AP4S1: variants seen among roughly 807,000 people sequenced by gnomAD.
AP4S1 encodes AP-4 complex subunit sigma-1.
In AP4S1, 23 loss-of-function variants were observed where a neutral mutation model predicts 19.8. That is an observed-to-expected ratio of 1.16 (90% CI 0.84 to 1.65). The LOEUF (loss-of-function observed/expected upper bound fraction) is 1.65, where lower values mean the gene tolerates loss of function less well. Ranked by LOEUF, AP4S1 falls within the 40% of genes most tolerant of loss-of-function variation. The pLI, the probability that AP4S1 is intolerant of heterozygous loss-of-function variation, is 0.00. For synonymous variants in AP4S1, 46 were observed against 54.1 expected (o/e 0.85, Z 0.66); for missense variants, 166 against 172.8 (o/e 0.96, Z 0.22).
intron 1 of AP4S1, among the ~76,000 whole-genome samples, chr14:31,040,235 T>C (rs1885033852): frequency 7.0e-6 from 1 of 142,556 alleles, no homozygotes; most frequent in South Asian, 2.2e-4. Context: ...GGCTGCAACC[T>C]CAACCTCCCA....
chr14:31,073,316 C>CA (rs1887137262), intron 4 of AP4S1: 1 of 229,284 alleles, frequency 4.4e-6, no homozygotes, highest in Admixed American at 5.4e-5. Context: ...CGGTGAAACC[C>CA]CGTCTCTACT....
intron 1 of AP4S1, among the ~76,000 whole-genome samples, chr14:31,053,269 G>C (rs1885910930): frequency 6.6e-6 from 1 of 152,138 alleles, no homozygotes; most frequent in Non-Finnish European, 1.5e-5. Context: ...CAACAATTAT[G>C]TCATTTGCCT....
chr14:31,035,939 C>T (rs982866270), intron 1 of AP4S1, among the ~76,000 whole-genome samples: 4 of 151,946 alleles, frequency 2.6e-5, no homozygotes, highest in South Asian at 2.1e-4. Flanking sequence ...ACCATGTTAG[C>T]CAGGATGGTC....
At chr14:31,026,958 TG>T (rs1277866367) in intron 1 of AP4S1, 1 of 152,406 alleles carries the variant, frequency 6.6e-6, no homozygotes, top group East Asian at 1.9e-4. Flanking sequence ...AGTTCTCTGC[TG>T]GCAAATAGCC....
rs200189233 is a variant in AP4S1, at chr14:31,082,279, G to A, written c.306+1695G>A. ...TTAGCATGCTGAATAAAAATATACC[G>A]TGATATACAGACCACGTTGTATATT... On this transcript the variant is annotated intron_variant, in intron 5 of 5. Coordinates refer to ENST00000542754, the MANE Select transcript of AP4S1 (RefSeq NM_001128126.3). 7.9e-5 allele frequency among the ~76,000 whole-genome samples: 12 copies of A among 152,148 alleles called. No homozygotes were observed. In the East Asian group the frequency reaches 1.2e-3, roughly 15 times the overall value.
At chr14:31,081,103 A>G (rs1887617213) in intron 5 of AP4S1, among the ~76,000 whole-genome samples, 2 of 152,136 alleles carry the variant, frequency 1.3e-5, no homozygotes, top group Non-Finnish European at 2.9e-5. Flanking sequence ...GATGATTCTT[A>G]AGATTTTTTT....
chr14:31,073,688 G>A (rs944844697), intron 4 of AP4S1, among the ~76,000 whole-genome samples: 20 of 150,986 alleles, frequency 1.3e-4, no homozygotes, highest in African/African-American at 3.4e-4. Context: ...ACTGCAAGCC[G>A]TGCCACCACG....
chr14:31,075,741 A>AT (rs199770029), intron 4 of AP4S1, among the ~76,000 whole-genome samples: 123,396 of 143,128 alleles, frequency 0.86, 53,523 homozygotes, highest in African/African-American at 0.94. Flanking sequence ...GGATATACCA[A>AT]TTTTTTTTTT....
chr14:31,029,034 C>G (rs1187928391), intron 1 of AP4S1, among the ~76,000 whole-genome samples: 1 of 152,162 alleles, frequency 6.6e-6, no homozygotes, highest in East Asian at 1.9e-4. Context: ...CACCTACCCT[C>G]AAAACAAAAA....
chr14:31,060,959 G>A (rs1272470441), intron 1 of AP4S1, among the ~76,000 whole-genome samples: 6 of 151,720 alleles, frequency 4.0e-5, no homozygotes, highest in Non-Finnish European at 8.8e-5. Flanking sequence ...GCACGATCTC[G>A]GTGCACTTCA....
intron 1 of AP4S1, among the ~76,000 whole-genome samples, chr14:31,063,824 T>C (rs1669406307): frequency 6.6e-6 from 1 of 152,206 alleles, no homozygotes; most frequent in South Asian, 2.1e-4. Flanking sequence ...AAATGTACCA[T>C]GGTAATGTGA....
intron 5 of AP4S1, among the ~76,000 whole-genome samples, chr14:31,088,205 G>GT (rs1339220168): frequency 1.1e-4 from 16 of 152,152 alleles, no homozygotes; most frequent in Admixed American, 9.2e-4. Context: ...CCACTTTCCT[G>GT]TTTCCTTTCA....
intron 1 of AP4S1, among the ~76,000 whole-genome samples, chr14:31,051,166 A>G (rs1199192181): frequency 6.6e-6 from 1 of 151,822 alleles, no homozygotes; most frequent in Non-Finnish European, 1.5e-5. Flanking sequence ...TGCGACAGGA[A>G]GATCCCTTGA....
chr14:31,084,701 G>GC, intron 5 of AP4S1: 1 of 1,606,168 alleles, frequency 6.2e-7, no homozygotes, highest in Non-Finnish European at 8.5e-7. Flanking sequence ...GGGAGACTTT[G>GC]CCCCATCACA....
chr14:31,052,048 A>G (rs569916773), intron 1 of AP4S1, among the ~76,000 whole-genome samples: 4 of 152,320 alleles, frequency 2.6e-5, no homozygotes, highest in South Asian at 4.1e-4. Flanking sequence ...ACGCAGGAGG[A>G]TTACTTGAGC....
intron 1 of AP4S1, among the ~76,000 whole-genome samples, chr14:31,041,668 T>C (rs1349923961): frequency 6.6e-6 from 1 of 152,178 alleles, no homozygotes; most frequent in Non-Finnish European, 1.5e-5. Flanking sequence ...TTGGATATTC[T>C]TATGAATCCA....
intron 1 of AP4S1, chr14:31,026,285 C>T (rs924589225): frequency 4.0e-6 from 5 of 1,257,992 alleles, no homozygotes; most frequent in Non-Finnish European, 5.1e-6. Flanking sequence ...GGAGGCCGGC[C>T]GGGAGAGGGG....
chr14:31,027,138 T>A (rs1432071051), intron 1 of AP4S1: 1 of 151,368 alleles, frequency 6.6e-6, no homozygotes, highest in African/African-American at 2.4e-5. Flanking sequence ...GAGGAGCGAT[T>A]TTTTTTTTCT....
intron 1 of AP4S1, among the ~76,000 whole-genome samples, chr14:31,058,693 A>C (rs1886268118): frequency 6.6e-6 from 1 of 150,904 alleles, no homozygotes; most frequent in South Asian, 2.1e-4. Flanking sequence ...TCAGCTTCCT[A>C]AGTAGCTGGG....
Sources: gnomAD v4.1 joint callset for allele counts (sites outside exome capture counted in the v4.1 genomes callset) on GRCh38, gnomAD v4.1.1 for gene constraint, MANE v1.5 for transcripts, NCBI Gene and HGNC (gene_info 2026-07-23, HGNC 2026-07-21) for gene names.